NRXN3: variants seen among roughly 807,000 people sequenced by gnomAD.
NRXN3 encodes neurexin 3, also known as neurexin III.
In NRXN3, 32 loss-of-function variants were observed where a neutral mutation model predicts 137.6. The ratio of observed to expected loss-of-function variants is 0.23; its 90% CI spans 0.18 to 0.31. The LOEUF (loss-of-function observed/expected upper bound fraction) is 0.31, where lower values mean the gene tolerates loss of function less well. NRXN3 is among the 10% of genes least tolerant of loss of function. NRXN3 has a pLI of 1.00. For missense variants in NRXN3, 1,574 were observed against 2,062.5 expected (o/e 0.76, Z 4.59); for synonymous variants, 798 against 784.5 (o/e 1.02, Z -0.29).
chr14:79,237,459 G>A (rs1156687884), intron 15 of NRXN3, among the ~76,000 whole-genome samples: 6 of 152,002 alleles, frequency 3.9e-5, no homozygotes, highest in East Asian at 1.9e-4. Flanking sequence ...GGTTGGTTGC[G>A]GGGGACAGGT....
chr14:78,919,259 G>A lies in NRXN3; in HGVS notation c.2276-37983G>A, dbSNP rs115420767. On this transcript the variant is annotated intron_variant, in intron 10 of 20. Coordinates refer to ENST00000335750, the MANE Select transcript of NRXN3 (RefSeq NM_001330195.2). ...TACAGATAATTGGCTAATTACCTGAGTATGGTGTTGCTTTTTTCAATTTAT... is the reference window on the plus strand; with the variant it reads ...TACAGATAATTGGCTAATTACCTGAATATGGTGTTGCTTTTTTCAATTTAT... 4.1e-3 allele frequency among the ~76,000 whole-genome samples: 624 copies of A among 152,262 alleles called. 4 individuals are homozygous for A. Among genetic ancestry groups the A allele is most frequent in the African/African-American group, 0.014 (597 of 41,534 alleles).
chr14:79,720,867 A>G (rs1295261505), intron 19 of NRXN3, among the ~76,000 whole-genome samples: 1 of 152,122 alleles, frequency 6.6e-6, no homozygotes, highest in Non-Finnish European at 1.5e-5. Context: ...TAAATAGTAA[A>G]GGTGGGAATA....
At chr14:78,668,930 A>ATCTATCTGTCTGTCTG (rs573422799) in intron 6 of NRXN3, among the ~76,000 whole-genome samples, 184 of 149,390 alleles carry the variant, frequency 1.2e-3, no homozygotes, top group African/African-American at 4.4e-3. Context: ...CTATCTATCT[A>ATCTATCTGTCTGTCTG]TCTGTCTGTC....
chr14:79,461,937 G>C (rs142017732), intron 15 of NRXN3, among the ~76,000 whole-genome samples: 181 of 152,322 alleles, frequency 1.2e-3, no homozygotes, highest in African/African-American at 4.3e-3. Flanking sequence ...AAGAGAACTA[G>C]AGCAGGAGAC....
intron 8 of NRXN3, among the ~76,000 whole-genome samples, chr14:78,799,015 T>A (rs1333927242): frequency 6.6e-6 from 1 of 152,214 alleles, no homozygotes. Context: ...GAGGCTGCCA[T>A]AAAGGTCTCT....
chr14:78,173,708 G>GTTTTT (rs1296589683), intron 1 of NRXN3, among the ~76,000 whole-genome samples: 16 of 8,982 alleles, frequency 1.8e-3, no homozygotes, highest in African/African-American at 3.2e-3. Flanking sequence ...CTTTTTCCTT[G>GTTTTT]CTTTTTTTTT....
intron 4 of NRXN3, among the ~76,000 whole-genome samples, chr14:78,382,308 A>G (rs1438767586): frequency 6.6e-6 from 1 of 152,188 alleles, no homozygotes; most frequent in African/African-American, 2.4e-5. Flanking sequence ...GAGGTGGAAG[A>G]GAGGATTTGT....
chr14:78,523,748 C>T (rs565918001), intron 4 of NRXN3, among the ~76,000 whole-genome samples: 6 of 131,832 alleles, frequency 4.6e-5, no homozygotes, highest in East Asian at 2.3e-4. Context: ...ACCCAGGAGG[C>T]GGAGCTTGCA....
intron 4 of NRXN3, among the ~76,000 whole-genome samples, chr14:78,392,254 A>G (rs1417282311): frequency 1.3e-5 from 2 of 152,212 alleles, no homozygotes; most frequent in Non-Finnish European, 2.9e-5. Context: ...TGGGAAGGTC[A>G]GACATTGTTG....
chr14:78,892,217 G>A (rs1361402080), intron 10 of NRXN3, among the ~76,000 whole-genome samples: 2 of 151,952 alleles, frequency 1.3e-5, no homozygotes, highest in African/African-American at 4.8e-5. Context: ...GCACAGGAAC[G>A]CTTTAATGTG....
chr14:78,350,925 A>G (rs1008819411), intron 4 of NRXN3, among the ~76,000 whole-genome samples: 5 of 152,190 alleles, frequency 3.3e-5, no homozygotes, highest in Non-Finnish European at 7.3e-5. Context: ...AGAATGAACA[A>G]ATATTTACAT....
intron 15 of NRXN3, among the ~76,000 whole-genome samples, chr14:79,211,608 G>C (rs1031580390): frequency 6.6e-6 from 1 of 152,116 alleles, no homozygotes. Context: ...ATGGAGTTCA[G>C]ATGTGAATCC....
At chr14:79,667,341 T>G (rs1482291704) in intron 17 of NRXN3, among the ~76,000 whole-genome samples, 1 of 152,066 alleles carries the variant, frequency 6.6e-6, no homozygotes, top group South Asian at 2.1e-4. Context: ...GAGTAGCTCC[T>G]ATAGAAGATT....
At chr14:78,852,881 T>TC (rs2099046458) in intron 10 of NRXN3, among the ~76,000 whole-genome samples, 1 of 151,010 alleles carries the variant, frequency 6.6e-6, no homozygotes, top group African/African-American at 2.4e-5. Context: ...TTAGTTTCTT[T>TC]TTTTTTTTTT....
chr14:79,700,661 G>A (rs1287339197), intron 19 of NRXN3, among the ~76,000 whole-genome samples: 1 of 152,028 alleles, frequency 6.6e-6, no homozygotes, highest in Non-Finnish European at 1.5e-5. Context: ...AAACTGTAAG[G>A]TGCTTTCAGT....
intron 16 of NRXN3, among the ~76,000 whole-genome samples, chr14:79,470,798 G>T (rs1027480071): frequency 2.0e-4 from 30 of 151,930 alleles, no homozygotes; most frequent in Admixed American, 5.3e-4. Flanking sequence ...TGTGAGTGGT[G>T]GTCAGGCTAG....
rs115914527 is a variant in NRXN3 at position 78,303,058 on chromosome 14, G to A, written c.757+5198G>A. On this transcript the variant is annotated intron_variant, in intron 4 of 20. Transcript: ENST00000335750. ...TTTCAAAGCCTTCCCTTATATGGTC[G>A]TGTTTACCTTTATCTTGCTCCTCTG... is the stretch of plus-strand genomic sequence containing the variant. Among the ~76,000 whole-genome samples the A allele has an allele frequency of 7.3e-3, 1,105 of 152,196 alleles. 14 individuals are homozygous for A. Among genetic ancestry groups the A allele is most frequent in the African/African-American group, 0.025 (1,045 of 41,508 alleles).
chr14:79,085,934 T>G (rs894023462), intron 15 of NRXN3, among the ~76,000 whole-genome samples: 1 of 152,202 alleles, frequency 6.6e-6, no homozygotes, highest in Non-Finnish European at 1.5e-5. Flanking sequence ...CTGAAGCTTA[T>G]CCTTTGAGAT....
chr14:78,440,588 G>A (rs2094211979), intron 4 of NRXN3, among the ~76,000 whole-genome samples: 1 of 152,172 alleles, frequency 6.6e-6, no homozygotes, highest in South Asian at 2.1e-4. Flanking sequence ...CCTCCCCAGG[G>A]AAGGCCAGAG....
Sources: gnomAD v4.1 joint callset for allele counts (sites outside exome capture counted in the v4.1 genomes callset) on GRCh38, gnomAD v4.1.1 for gene constraint, MANE v1.5 for transcripts, NCBI Gene and HGNC (gene_info 2026-07-23, HGNC 2026-07-21) for gene names.